BRMS1L: variants seen among roughly 807,000 people sequenced by gnomAD.
BRMS1L encodes the protein breast cancer metastasis-suppressor 1-like protein.
BRMS1L carries 23 observed loss-of-function variants against 50.3 expected under a neutral mutation model. The observed-to-expected ratio is 0.46, with a 90% CI of 0.33 to 0.65. BRMS1L has a LOEUF of 0.65. Among genes scored for constraint, BRMS1L ranks in the 30% least tolerant of loss-of-function variants. The probability of loss-of-function intolerance (pLI) is 0.02; values close to 1 mark genes in which losing one functional copy is unlikely to be tolerated. For synonymous variants in BRMS1L, 114 were observed against 126.9 expected, an observed-to-expected ratio of 0.90 and a Z score of 0.69; for missense variants, 286 against 386.1, an observed-to-expected ratio of 0.74 and a Z score of 2.17.
intron 4 of BRMS1L, among the ~76,000 whole-genome samples, chr14:35,838,509 A>G (rs147167278): frequency 0.066 from 9,723 of 146,808 alleles, 668 homozygotes; most frequent in African/African-American, 0.17. Flanking sequence ...AAGCTTTCCT[A>G]TTTCTCCACA....
intron 1 of BRMS1L, 41 bp downstream of exon 1, chr14:35,826,699 G>A (rs560661545): frequency 1.2e-6 from 2 of 1,600,060 alleles, no homozygotes; most frequent in Non-Finnish European, 1.7e-6. Context: ...CCCGCGCCCA[G>A]CGCGCGACAG....
intron 4 of BRMS1L, among the ~76,000 whole-genome samples, chr14:35,838,127 T>C (rs1411491807): frequency 2.6e-5 from 4 of 152,156 alleles, no homozygotes; most frequent in African/African-American, 4.8e-5. Context: ...CGCGGTGTTT[T>C]GTTTTCTGTT....
chr14:35,864,788 T>G, intron 6 of BRMS1L, 147 bp from the exon 7 acceptor site: 1 of 603,536 alleles, frequency 1.7e-6, no homozygotes, highest in South Asian at 2.2e-5. Flanking sequence ...TGGTACTAAG[T>G]GGTTTGAAGA....
At chr14:35,834,659 A>G (rs2077968619) in intron 3 of BRMS1L, among the ~76,000 whole-genome samples, 185 bp from the exon 4 acceptor site, 1 of 152,158 alleles carries the variant, frequency 6.6e-6, no homozygotes, top group African/African-American at 2.4e-5. Context: ...TATAATTTCT[A>G]ATCTTTTTGG....
chr14:35,852,908 G>A (rs563200852), intron 4 of BRMS1L, among the ~76,000 whole-genome samples: 9 of 152,004 alleles, frequency 5.9e-5, no homozygotes, highest in South Asian at 4.1e-4. Flanking sequence ...TCCGGCCTGG[G>A]CGAAAGAGCG....
chr14:35,832,572 GAAGCCAAGTAA>G (rs1250190201), intron 2 of BRMS1L, among the ~76,000 whole-genome samples: 1 of 151,858 alleles, frequency 6.6e-6, no homozygotes, highest in East Asian at 1.9e-4. Flanking sequence ...ACGGTAGAGA[GAAGCCAAGTAA>G]TTATTTATTT....
chr14:35,864,508 C>T (rs1008680204), intron 6 of BRMS1L, among the ~76,000 whole-genome samples: 10 of 152,116 alleles, frequency 6.6e-5, no homozygotes, highest in African/African-American at 2.4e-4. Flanking sequence ...CCTGCATTGG[C>T]CTCCCAAAGT....
At chr14:35,844,580 C>T (rs766727064) in intron 4 of BRMS1L, among the ~76,000 whole-genome samples, 22 of 152,190 alleles carry the variant, frequency 1.4e-4, no homozygotes, top group African/African-American at 3.9e-4. Context: ...AGAAATCACC[C>T]GCCTTCTGCG....
In BRMS1L at chr14:35,871,513, A is replaced by G. The variant is rs1323645907; in HGVS notation, c.*1036A>G. 1.3e-5 allele frequency: 2 copies of G among 152,680 alleles called. No homozygotes were observed. Among genetic ancestry groups the G allele is most frequent in the Non-Finnish European group, 2.9e-5 (2 of 68,044 alleles). The allele number at this position is 152,680 out of a possible 1,614,324, so 9.5% of individuals were successfully genotyped here. A position where few individuals can be genotyped will look rare whatever the true frequency, so the allele number is the denominator to read the frequency against. ...AATTAACTTCCAAAACCTCAGGAACAGTACAAAGAATTGAAACCCTCAATA... is the reference window on the plus strand; with the variant it reads ...AATTAACTTCCAAAACCTCAGGAACGGTACAAAGAATTGAAACCCTCAATA... On this transcript the variant is annotated 3_prime_UTR_variant, in exon 10 of 10. Transcript: ENST00000216807.
intron 4 of BRMS1L, among the ~76,000 whole-genome samples, chr14:35,835,673 C>A (rs879508807): frequency 5.9e-5 from 9 of 152,086 alleles, no homozygotes; most frequent in African/African-American, 2.2e-4. Context: ...TGAGACCCCC[C>A]ACCTCTACAA....
intron 4 of BRMS1L, among the ~76,000 whole-genome samples, chr14:35,855,521 A>ATTT (rs1481852052): frequency 6.6e-6 from 1 of 152,162 alleles, no homozygotes; most frequent in African/African-American, 2.4e-5. Flanking sequence ...AACAAGTAGT[A>ATTT]TTTTTATTTA....
intron 8 of BRMS1L, chr14:35,865,974 A>G: frequency 2.0e-6 from 1 of 512,672 alleles, no homozygotes; most frequent in Non-Finnish European, 3.4e-6. Context: ...GTTCAGCTAC[A>G]TTCTTATTGC....
rs976998312 is a variant in BRMS1L at position 35,853,480 on chromosome 14, C to A, written c.442-9110C>A. On this transcript the variant is annotated intron_variant, in intron 4 of 9. Coordinates refer to ENST00000216807, the MANE Select transcript of BRMS1L (RefSeq NM_032352.4). The stretch of plus-strand genomic sequence containing the variant: ...CTCAGCTGGAGTGCAGTGGTGTGAT[C>A]GTGGCTCACTGCAGCCTGTAACTCC... 7.2e-5 allele frequency among the ~76,000 whole-genome samples: 11 copies of A among 152,012 alleles called. No individual in the cohort carries two copies. In the South Asian group the frequency reaches 2.3e-3, roughly 32 times the overall value.
At chr14:35,843,747 G>T (rs1393098658) in intron 4 of BRMS1L, among the ~76,000 whole-genome samples, 1 of 152,248 alleles carries the variant, frequency 6.6e-6, no homozygotes, top group Non-Finnish European at 1.5e-5. Flanking sequence ...TTTAGAGCTG[G>T]CAGGCAGGAA....
At chr14:35,866,897 C>T (rs2078428980) in intron 8 of BRMS1L, among the ~76,000 whole-genome samples, 1 of 152,086 alleles carries the variant, frequency 6.6e-6, no homozygotes, top group South Asian at 2.1e-4. Flanking sequence ...GTGTGTCTCC[C>T]TCCCACTCTT....
intron 3 of BRMS1L, 98 bp downstream of exon 3, chr14:35,833,203 C>A: frequency 1.6e-6 from 2 of 1,246,836 alleles, no homozygotes; most frequent in Non-Finnish European, 2.2e-6. Flanking sequence ...GATGGGATTA[C>A]AAGCATATTT....
At chr14:35,869,853 A>G (rs1025502075) in intron 9 of BRMS1L, among the ~76,000 whole-genome samples, 4 of 152,074 alleles carry the variant, frequency 2.6e-5, no homozygotes, top group Non-Finnish European at 5.9e-5. Flanking sequence ...CTCAAAATAA[A>G]TAAACAAAAA....
intron 3 of BRMS1L, among the ~76,000 whole-genome samples, chr14:35,834,642 TA>T (rs1418931053): frequency 2.6e-4 from 39 of 152,178 alleles, no homozygotes; most frequent in Non-Finnish European, 4.7e-4. Flanking sequence ...AGTTTCTTTC[TA>T]GCTCTTATAA....
chr14:35,851,395 A>G (rs914808128), intron 4 of BRMS1L, among the ~76,000 whole-genome samples: 1 of 152,088 alleles, frequency 6.6e-6, no homozygotes, highest in Non-Finnish European at 1.5e-5. Context: ...AAAAAAAAAA[A>G]AGAGGTGTAG....
Sources: gnomAD v4.1 joint callset for allele counts (sites outside exome capture counted in the v4.1 genomes callset) on GRCh38, gnomAD v4.1.1 for gene constraint, MANE v1.5 for transcripts, NCBI Gene and HGNC (gene_info 2026-07-23, HGNC 2026-07-21) for gene names.